TYR: variants seen among roughly 807,000 people sequenced by gnomAD.
The protein encoded by TYR is LB24-AB.
TYR carries 58 observed loss-of-function variants against 51.5 expected under a neutral mutation model. The ratio of observed to expected loss-of-function variants is 1.13; its 90% CI spans 0.91 to 1.40. The LOEUF is 1.40. TYR is among the 40% of genes most tolerant of loss of function. TYR has a pLI of 0.00. For synonymous variants in TYR, 263 were observed against 235.2 expected, an observed-to-expected ratio of 1.12 and a Z score of -1.08; for missense variants, 732 against 647.4, an observed-to-expected ratio of 1.13 and a Z score of -1.42.
chr11:89,235,999 C>A (rs893199400), intron 3 of TYR, among the ~76,000 whole-genome samples: 3 of 152,092 alleles, frequency 2.0e-5, no homozygotes, highest in Admixed American at 6.6e-5. Flanking sequence ...GTCAATTTGT[C>A]TAGATGCCTT....
At chr11:89,227,298 A>G (rs768474990) in intron 2 of TYR, among the ~76,000 whole-genome samples, 5 of 152,166 alleles carry the variant, frequency 3.3e-5, no homozygotes, top group Non-Finnish European at 7.4e-5. Flanking sequence ...TTGTAAAATC[A>G]GACACATTAT....
chr11:89,206,885 A>G (rs147873343), intron 2 of TYR, among the ~76,000 whole-genome samples: 105 of 152,246 alleles, frequency 6.9e-4, no homozygotes, highest in African/African-American at 2.4e-3. Flanking sequence ...CCCAAGGAGT[A>G]AAGAGAAAGA....
Position 89,268,409 on chromosome 11 carries a change from A to C in TYR, c.1185-16364A>C, listed in dbSNP as rs1286792731. ...ATCAGTCATTTTTTATTATTCTAAG[A>C]GCCTCAGAAGCATCACTCTAGTGAA... On this transcript the variant is annotated intron_variant, in intron 3 of 4. Transcript: ENST00000263321. Among the ~76,000 whole-genome samples the C allele has an allele frequency of 2.6e-5, 4 of 152,024 alleles. No individual in the cohort carries two copies. The East Asian group carries it at 7.8e-4, about 30-fold the overall frequency.
chr11:89,187,545 T>A (rs879011532), intron 1 of TYR, among the ~76,000 whole-genome samples: 1 of 152,180 alleles, frequency 6.6e-6, no homozygotes, highest in Non-Finnish European at 1.5e-5. Context: ...AGTGCCTTTA[T>A]GTGGGAATGG....
At chr11:89,291,631 T>C (rs1305366911) in intron 4 of TYR, among the ~76,000 whole-genome samples, 1 of 152,004 alleles carries the variant, frequency 6.6e-6, no homozygotes, top group Non-Finnish European at 1.5e-5. Flanking sequence ...AGCATATCTT[T>C]TAATTAATTT....
intron 1 of TYR, among the ~76,000 whole-genome samples, chr11:89,190,069 C>T (rs7122606): frequency 3.3e-5 from 5 of 152,110 alleles, no homozygotes; most frequent in African/African-American, 1.2e-4. Flanking sequence ...AAGTCTAGCA[C>T]ATAGCATTAT....
At chr11:89,186,606 C>T (rs896259019) in intron 1 of TYR, among the ~76,000 whole-genome samples, 1 of 152,060 alleles carries the variant, frequency 6.6e-6, no homozygotes, top group Non-Finnish European at 1.5e-5. Flanking sequence ...GGTGTTGATC[C>T]CATGATTTGT....
At chr11:89,271,125 A>G (rs1944583660) in intron 3 of TYR, among the ~76,000 whole-genome samples, 1 of 151,888 alleles carries the variant, frequency 6.6e-6, no homozygotes, top group Non-Finnish European at 1.5e-5. Context: ...AAGTATTTAT[A>G]ATTTTAATAA....
At chr11:89,231,319 T>TTACCATGGTCA (rs1248035097) in intron 3 of TYR, among the ~76,000 whole-genome samples, 7 of 106,050 alleles carry the variant, frequency 6.6e-5, no homozygotes, top group African/African-American at 1.9e-4. Flanking sequence ...TGGGCATGTA[T>TTACCATGGTCA]CGAAAGGGAA....
At chr11:89,194,033 C>T (rs571657198) in intron 2 of TYR, among the ~76,000 whole-genome samples, 6 of 152,040 alleles carry the variant, frequency 3.9e-5, no homozygotes, top group Non-Finnish European at 8.8e-5. Context: ...TGATATAATG[C>T]TTTTATCAAA....
rs1340852255 is a variant in TYR at position 89,248,282 on chromosome 11, G to A, written c.1184+20312G>A. ...GGAGAAACATAAGCAAACCAGAAAAGAAATAAATAAGCACAAAATTCAGTT... is the reference window on the plus strand; with the variant it reads ...GGAGAAACATAAGCAAACCAGAAAAAAAATAAATAAGCACAAAATTCAGTT... On this transcript the variant is annotated intron_variant, in intron 3 of 4. Coordinates refer to ENST00000263321, the MANE Select transcript of TYR (RefSeq NM_000372.5). 2.0e-5 allele frequency among the ~76,000 whole-genome samples: 3 copies of A among 151,986 alleles called. No homozygotes were observed. The East Asian group carries it at 5.8e-4, about 29-fold the overall frequency.
rs185385020 is a variant in TYR at position 89,190,247 on chromosome 11, C to A, written c.820-955C>A. Among the ~76,000 whole-genome samples, 500 of 152,150 alleles carry A rather than the reference C, an allele frequency of 3.3e-3. 1 individual carries two copies. The highest frequency in any genetic ancestry group is 6.6e-3 in the African/African-American group (273 of 41,520). ...GCTCTCCAGGAGGTGTTCCACAAAA[C>A]GCCTGGATGTTTTATAGAGATTGTT... On this transcript the variant is annotated intron_variant, in intron 1 of 4. Coordinates refer to ENST00000263321, the MANE Select transcript of TYR (RefSeq NM_000372.5).
chr11:89,284,681 T>G (rs1269651096), intron 3 of TYR, 92 bp from the exon 4 acceptor site: 3 of 1,154,140 alleles, frequency 2.6e-6, no homozygotes. Context: ...GTCTCCAGAT[T>G]TTAATATATG....
At chr11:89,191,018 C>T (rs1300829485) in intron 1 of TYR, among the ~76,000 whole-genome samples, 184 bp from the exon 2 acceptor site, 1 of 152,084 alleles carries the variant, frequency 6.6e-6, no homozygotes, top group Non-Finnish European at 1.5e-5. Flanking sequence ...ATGATGTTCA[C>T]GCAATGACAA....
intron 3 of TYR, among the ~76,000 whole-genome samples, chr11:89,243,532 G>GA (rs1944227111): frequency 6.6e-6 from 1 of 152,108 alleles, no homozygotes; most frequent in Admixed American, 6.6e-5. Flanking sequence ...GTATTATTAT[G>GA]AATTATATTA....
chr11:89,257,688 C>A (rs1239532376), intron 3 of TYR, among the ~76,000 whole-genome samples: 3 of 152,018 alleles, frequency 2.0e-5, no homozygotes, highest in Admixed American at 6.6e-5. Flanking sequence ...GTAGCTGCTG[C>A]AGACCTCATT....
At chr11:89,264,673 T>A (rs1215824842) in intron 3 of TYR, among the ~76,000 whole-genome samples, 3 of 151,130 alleles carry the variant, frequency 2.0e-5, no homozygotes, top group Non-Finnish European at 4.4e-5. Flanking sequence ...ACCTAAATGT[T>A]CATCAGTGAT....
intron 2 of TYR, among the ~76,000 whole-genome samples, chr11:89,218,683 T>A (rs1194978053): frequency 3.3e-5 from 5 of 152,174 alleles, no homozygotes; most frequent in Non-Finnish European, 7.3e-5. Flanking sequence ...TTCTAAAAAC[T>A]TTTCACGTCC....
intron 4 of TYR, among the ~76,000 whole-genome samples, chr11:89,288,434 C>T (rs1382230326): frequency 1.3e-5 from 2 of 151,924 alleles, no homozygotes; most frequent in Non-Finnish European, 2.9e-5. Flanking sequence ...TGTTCCTTCC[C>T]TAGTGTCCCA....
Sources: allele counts gnomAD v4.1 joint callset (sites outside exome capture counted in the v4.1 genomes callset), GRCh38; gene constraint gnomAD v4.1.1; transcripts MANE v1.5; gene names NCBI Gene and HGNC (gene_info 2026-07-23, HGNC 2026-07-21).